SSBP2: variants seen among roughly 807,000 people sequenced by gnomAD.
SSBP2 encodes single stranded DNA binding protein 2.
In SSBP2, 17 loss-of-function variants were observed where a neutral mutation model predicts 61.8. The ratio of observed to expected loss-of-function variants is 0.28; its 90% CI spans 0.19 to 0.41. The LOEUF is 0.41. Ranked by LOEUF, SSBP2 falls within the 10% of genes least tolerant of loss-of-function variation. The probability of loss-of-function intolerance (pLI) is 1.00; values close to 1 mark genes in which losing one functional copy is unlikely to be tolerated. For synonymous variants in SSBP2, 139 were observed against 141.3 expected (o/e 0.98, Z 0.12); for missense variants, 310 against 458.7 (o/e 0.68, Z 2.96).
intron 1 of SSBP2, among the ~76,000 whole-genome samples, chr5:81,742,663 G>A (rs1004242712): frequency 3.9e-5 from 6 of 152,096 alleles, no homozygotes; most frequent in South Asian, 2.1e-4. Flanking sequence ...ATCATCTGAG[G>A]TCAGGAGTTC....
At chr5:81,538,828 G>C (rs2154114829) in intron 4 of SSBP2, among the ~76,000 whole-genome samples, 1 of 152,286 alleles carries the variant, frequency 6.6e-6, no homozygotes, top group Admixed American at 6.5e-5. Context: ...CCACTGTTGA[G>C]ACCTGCTACA....
At chr5:81,541,902 A>C (rs1383841393) in intron 4 of SSBP2, among the ~76,000 whole-genome samples, 4 of 152,256 alleles carry the variant, frequency 2.6e-5, no homozygotes, top group Admixed American at 2.6e-4. Context: ...ATTGCAACAA[A>C]AACAAAAATT....
At chr5:81,503,681 G>A (rs530956879) in intron 5 of SSBP2, among the ~76,000 whole-genome samples, 2 of 152,240 alleles carry the variant, frequency 1.3e-5, no homozygotes, top group South Asian at 4.2e-4. Context: ...ACATGTACTT[G>A]CATGTTCATA....
At position 81,455,446 on chromosome 5, in the gene SSBP2, C is replaced by T. The variant is rs937340873; in HGVS notation, c.687+5609G>A. Among the ~76,000 whole-genome samples the T allele has an allele frequency of 3.8e-4, 26 of 68,564 alleles. 8 individuals are homozygous for T. The highest frequency in any genetic ancestry group is 1.2e-3 in the African/African-American group (5 of 4,224). 45.0% of individuals were successfully genotyped at this position (68,564 alleles called of 152,430 possible). A position where few individuals can be genotyped will look rare whatever the true frequency, so the allele number is the denominator to read the frequency against. On this transcript the variant is annotated intron_variant, in intron 10 of 16. Transcript: ENST00000320672. ...CATCCTGGCTAACAAGGTGAAACCC[C>T]GTCTCTACTAAAAATACAAAAAATT...
Position 81,740,307 on chromosome 5 carries a change from T to TA in SSBP2, c.62+10673dup, listed in dbSNP as rs78403411. Among the ~76,000 whole-genome samples the TA allele has an allele frequency of 8.5e-3, 1,124 of 132,480 alleles. 10 individuals are homozygous for TA. The highest frequency in any genetic ancestry group is 0.022 in the African/African-American group (793 of 35,888). 86.9% of individuals were successfully genotyped at this position (132,480 alleles called of 152,430 possible). Reference sequence around the variant, plus strand: ...ATCAGTCACTAAGTTTAATCCAGGGTAAAAAAAAAAAAAAGAATGTACCAA... The same window carrying TA: ...ATCAGTCACTAAGTTTAATCCAGGGTAAAAAAAAAAAAAAAGAATGTACCAA... On this transcript the variant is annotated intron_variant, in intron 1 of 16. Coordinates refer to ENST00000320672, the MANE Select transcript of SSBP2 (RefSeq NM_012446.5).
chr5:81,523,619 A>C lies in SSBP2; in HGVS notation c.283-9902T>G, dbSNP rs187427459. Reference sequence around the variant, plus strand: ...TGTTGAAAAATGAAATATCATTGAGATATTTTAGCATTCATGTTATATGTT... The same window carrying C: ...TGTTGAAAAATGAAATATCATTGAGCTATTTTAGCATTCATGTTATATGTT... On this transcript the variant is annotated intron_variant, in intron 4 of 16. Transcript: ENST00000320672. 7.2e-5 allele frequency among the ~76,000 whole-genome samples: 11 copies of C among 152,180 alleles called. No homozygotes were observed. In the East Asian group the frequency reaches 1.7e-3, roughly 24 times the overall value.
At chr5:81,483,372 G>A (rs1218556565) in intron 6 of SSBP2, among the ~76,000 whole-genome samples, 2 of 152,120 alleles carry the variant, frequency 1.3e-5, no homozygotes, top group Non-Finnish European at 2.9e-5. Context: ...CCATTATATA[G>A]TTCACTCATG....
upstream of SSBP2, chr5:81,751,376 G>C: frequency 4.2e-6 from 2 of 472,730 alleles, no homozygotes; most frequent in South Asian, 2.5e-5. Context: ...GGGCGCAAGG[G>C]GGGAATTAGA....
At chr5:81,689,718 T>C (rs1318780469) in intron 1 of SSBP2, among the ~76,000 whole-genome samples, 2 of 152,036 alleles carry the variant, frequency 1.3e-5, no homozygotes, top group African/African-American at 2.4e-5. Flanking sequence ...TTATTTAATA[T>C]GAAAGAAAAG....
Position 81,485,396 on chromosome 5 carries a change from T to A in SSBP2, c.432+3854A>T, listed in dbSNP as rs181167159. On this transcript the variant is annotated intron_variant, in intron 6 of 16. Transcript: ENST00000320672. The stretch of plus-strand genomic sequence containing the variant: ...CAGTGCTATACATATACAAAGAATA[T>A]ACACCCTTATGGATTTAATCCAGAA... Among the ~76,000 whole-genome samples the A allele has an allele frequency of 2.0e-5, 3 of 152,274 alleles. No homozygotes were observed. In the East Asian group the frequency reaches 5.8e-4, roughly 29 times the overall value.
intron 4 of SSBP2, among the ~76,000 whole-genome samples, chr5:81,541,464 C>T (rs1354697905): frequency 7.2e-6 from 1 of 138,722 alleles, no homozygotes; most frequent in South Asian, 2.2e-4. Context: ...ATAGCCAAAG[C>T]AATCCTAAGT....
At chr5:81,576,504 C>T (rs748136940) in intron 4 of SSBP2, among the ~76,000 whole-genome samples, 6 of 152,060 alleles carry the variant, frequency 3.9e-5, no homozygotes, top group East Asian at 3.9e-4. Flanking sequence ...TTAACAAGAT[C>T]GCCTAGATAA....
rs200712593 is a variant in SSBP2, at chr5:81,440,544, T to C, written c.928+14A>G. ...TTATGAATTTATTCTAAACATCAAA[T>C]TGAAAAGCCTTACCTAAAGAGCCAT... On this transcript the variant is annotated intron_variant, in intron 14 of 16. Coordinates refer to ENST00000320672, the MANE Select transcript of SSBP2 (RefSeq NM_012446.5). 1.4e-5 allele frequency: 23 copies of C among 1,607,924 alleles called. No homozygotes were observed. The highest frequency in any genetic ancestry group is 1.7e-4 in the Middle Eastern group (1 of 6,046).
chr5:81,491,913 G>C (rs1023127340), intron 5 of SSBP2, among the ~76,000 whole-genome samples: 1 of 152,068 alleles, frequency 6.6e-6, no homozygotes, highest in Admixed American at 6.6e-5. Flanking sequence ...CTTCCCTTAT[G>C]TTATCTAGAT....
At chr5:81,520,012 T>A (rs1769344627) in intron 4 of SSBP2, among the ~76,000 whole-genome samples, 1 of 150,778 alleles carries the variant, frequency 6.6e-6, no homozygotes, top group African/African-American at 2.4e-5. Flanking sequence ...TGAGATGGAG[T>A]CTCACTCTGT....
intron 1 of SSBP2, among the ~76,000 whole-genome samples, chr5:81,659,149 T>C (rs1750475236): frequency 6.6e-6 from 1 of 152,092 alleles, no homozygotes; most frequent in South Asian, 2.1e-4. Context: ...CAACATATTA[T>C]TGGAAGTTCT....
chr5:81,496,553 G>T (rs1767296551), intron 5 of SSBP2, among the ~76,000 whole-genome samples: 2 of 152,142 alleles, frequency 1.3e-5, no homozygotes, highest in Non-Finnish European at 1.5e-5. Context: ...AAATAATTTA[G>T]CAAGTGATCA....
intron 9 of SSBP2, among the ~76,000 whole-genome samples, chr5:81,462,734 A>G (rs890040319): frequency 2.0e-5 from 3 of 152,190 alleles, no homozygotes; most frequent in Admixed American, 6.5e-5. Flanking sequence ...TTTGGGTAGT[A>G]AGGTACATCC....
At chr5:81,485,425 T>C (rs1393553048) in intron 6 of SSBP2, among the ~76,000 whole-genome samples, 1 of 152,172 alleles carries the variant, frequency 6.6e-6, no homozygotes, top group Non-Finnish European at 1.5e-5. Flanking sequence ...TCCAGAACCA[T>C]AAAAATGGTT....
Sources: gnomAD v4.1 joint callset for allele counts (sites outside exome capture counted in the v4.1 genomes callset) on GRCh38, gnomAD v4.1.1 for gene constraint, MANE v1.5 for transcripts, NCBI Gene and HGNC (gene_info 2026-07-23, HGNC 2026-07-21) for gene names.